Variants in IKBKG observed in about 807,000 individuals in gnomAD.
IKBKG encodes the protein NF-kappa-B essential modulator.
IKBKG carries 2 observed loss-of-function variants against 13.7 expected under a neutral mutation model. The observed-to-expected ratio is 0.15, with a 90% CI of 0.06 to 0.46. The LOEUF is 0.46. Among genes scored for constraint, IKBKG ranks in the 20% least tolerant of loss-of-function variants. The pLI, the probability that IKBKG is intolerant of heterozygous loss-of-function variation, is 0.98. For synonymous variants in IKBKG, 22 were observed against 64.4 expected, an observed-to-expected ratio of 0.34 and a Z score of 3.15; for missense variants, 53 against 150.3, an observed-to-expected ratio of 0.35 and a Z score of 3.39.
chrX:154,551,530 A>C (rs191026808), intron 1 of IKBKG, among the ~76,000 whole-genome samples: 318 of 111,371 alleles, frequency 2.9e-3, no homozygotes, highest in Non-Finnish European at 4.2e-3. Context: ...TCATCTTGAG[A>C]TCCTACATCT....
upstream of IKBKG, chrX:154,547,293 G>A (rs1371620120): frequency 1.3e-6 from 1 of 746,335 alleles, no homozygotes; most frequent in African/African-American, 2.3e-5. Flanking sequence ...CCACTCCCCC[G>A]GGAACCCTCG....
chrX:154,542,362 C>T (rs782589734), upstream of IKBKG: 2 of 1,205,606 alleles, frequency 1.7e-6, no homozygotes, highest in East Asian at 6.0e-5. Flanking sequence ...CTGTGAAGCT[C>T]TCCAGCATCA....
At chrX:154,546,247 G>A (rs1431175177), upstream of IKBKG, 9 of 1,134,886 alleles carry the variant, frequency 7.9e-6, no homozygotes, top group Admixed American at 1.5e-4. Flanking sequence ...TTCCTCTGGG[G>A]TCTCACACCA....
At chrX:154,545,987 G>A (rs782301691), upstream of IKBKG, 3 of 1,204,350 alleles carry the variant, frequency 2.5e-6, no homozygotes, top group South Asian at 5.3e-5. Flanking sequence ...GCTGAGGCAT[G>A]GAGCAGGCAC....
chrX:154,551,330 G>C (rs1409540174), intron 1 of IKBKG, among the ~76,000 whole-genome samples: 1 of 110,682 alleles, frequency 9.0e-6, no homozygotes, highest in African/African-American at 3.3e-5. Context: ...GGCTCTAAGA[G>C]GGCAATCCTC....
chrX:154,556,080 C>T lies in IKBKG; in HGVS notation c.188-85C>T, dbSNP rs377523690. ...TGGCCCCACTTCTGGCCTCTGACTTCCTGAGCCTCAGGCCCATGTGGGCCC... is the reference window on the plus strand; with the variant it reads ...TGGCCCCACTTCTGGCCTCTGACTTTCTGAGCCTCAGGCCCATGTGGGCCC... On this transcript the variant is annotated intron_variant, in intron 2 of 9. Transcript: ENST00000594239. The T allele has an allele frequency of 4.7e-6, 4 of 854,603 alleles. No homozygotes were observed. The East Asian group carries it at 1.0e-4, about 22-fold the overall frequency. 70.4% of individuals were successfully genotyped at this position (854,603 alleles called of 1,213,427 possible).
upstream of IKBKG, among the ~76,000 whole-genome samples, chrX:154,545,317 A>T (rs1185502351): frequency 1.8e-5 from 2 of 112,269 alleles, no homozygotes; most frequent in African/African-American, 6.5e-5. Flanking sequence ...TTCAAAGAAA[A>T]GCTAAGTGTT....
At chrX:154,546,250 T>A, upstream of IKBKG, 1 of 1,121,009 alleles carries the variant, frequency 8.9e-7, no homozygotes, top group Non-Finnish European at 1.2e-6. Context: ...CTCTGGGGTC[T>A]CACACCAGGG....
intron 1 of IKBKG, among the ~76,000 whole-genome samples, chrX:154,551,170 G>A (rs113807442): frequency 0.01 from 1,008 of 100,794 alleles, 6 homozygotes; most frequent in Middle Eastern, 0.021. Flanking sequence ...GGCTGGTCTC[G>A]ATCTCCTGAC....
chrX:154,555,478 G>A (rs1286788961), intron 2 of IKBKG, among the ~76,000 whole-genome samples: 6 of 112,948 alleles, frequency 5.3e-5, no homozygotes, highest in Non-Finnish European at 9.4e-5. Flanking sequence ...AGGCCGAGGT[G>A]GGAGGATTGC....
intron 1 of IKBKG, chrX:154,548,151 T>C (rs2070809367): frequency 1.4e-6 from 1 of 724,588 alleles, no homozygotes; most frequent in Admixed American, 8.7e-5. Context: ...ATCGTCATAC[T>C]GTTTCTGTGA....
upstream of IKBKG, chrX:154,546,688 T>C (rs1490025358): frequency 2.1e-5 from 15 of 704,128 alleles, no homozygotes; most frequent in South Asian, 3.8e-4. Context: ...TCGATTCTGC[T>C]CGGTTCTCAA....
chrX:154,547,450 C>T (rs1201299940), upstream of IKBKG: 2 of 754,291 alleles, frequency 2.7e-6, no homozygotes, highest in Admixed American at 8.5e-5. Flanking sequence ...GCAAAGTGGC[C>T]GGCGTGCTTA....
chrX:154,555,028 C>T (rs1358805304), intron 2 of IKBKG, among the ~76,000 whole-genome samples: 1 of 111,764 alleles, frequency 8.9e-6, no homozygotes, highest in Non-Finnish European at 1.9e-5. Context: ...CCTGTGGCCT[C>T]TGCTGACTGC....
chrX:154,552,555 C>G (rs1341772128), intron 2 of IKBKG, among the ~76,000 whole-genome samples: 2 of 109,352 alleles, frequency 1.8e-5, no homozygotes, highest in Non-Finnish European at 3.8e-5. Context: ...GAAGTGCTGT[C>G]CATCCTGGGA....
chrX:154,550,316 T>TGGA (rs1279453292), intron 1 of IKBKG, among the ~76,000 whole-genome samples: 1 of 101,781 alleles, frequency 9.8e-6, no homozygotes, highest in African/African-American at 3.6e-5. Flanking sequence ...TTTTGACAGC[T>TGGA]GGAGGATGGA....
At position 154,548,155 on chromosome X, in the gene IKBKG, T is replaced by G. The variant is rs113796767; in HGVS notation, c.-16+410T>G. On this transcript the variant is annotated intron_variant, in intron 1 of 9. Transcript: ENST00000594239. The stretch of plus-strand genomic sequence containing the variant: ...AACATCTGCCTATCGTCATACTGTT[T>G]CTGTGATCTGAGAATGAATGGGCTC... 347 of 717,128 alleles carry G rather than the reference T, an allele frequency of 4.8e-4. No homozygotes were observed. In the African/African-American group the frequency reaches 7.7e-3, roughly 16 times the overall value. The allele number at this position is 717,128 out of a possible 1,213,427, so 59.1% of individuals were successfully genotyped here. A position where few individuals can be genotyped will look rare whatever the true frequency, so the allele number is the denominator to read the frequency against.
At chrX:154,550,872 G>A (rs2070911408) in intron 1 of IKBKG, among the ~76,000 whole-genome samples, 1 of 109,079 alleles carries the variant, frequency 9.2e-6, no homozygotes, top group Non-Finnish European at 1.9e-5. Flanking sequence ...GTGCAGTGGC[G>A]CGATCCCGGG....
At chrX:154,548,452 C>T (rs1001700933) in intron 1 of IKBKG, among the ~76,000 whole-genome samples, 1 of 112,411 alleles carries the variant, frequency 8.9e-6, no homozygotes, top group African/African-American at 3.2e-5. Flanking sequence ...AGAAGGGTGG[C>T]GTGGTAAGAG....
Sources: allele counts gnomAD v4.1 joint callset (sites outside exome capture counted in the v4.1 genomes callset), GRCh38; gene constraint gnomAD v4.1.1; transcripts MANE v1.5; gene names NCBI Gene and HGNC (gene_info 2026-07-23, HGNC 2026-07-21).